The following GPM6A variants were observed in gnomAD, a reference collection of about 807,000 sequenced individuals.
GPM6A encodes the protein neuronal membrane glycoprotein M6-a.
Under a neutral mutation model 32.1 loss-of-function variants are expected in GPM6A, and 7 were observed. The observed-to-expected ratio is 0.22, with a 90% CI of 0.12 to 0.41. The LOEUF (loss-of-function observed/expected upper bound fraction) is 0.41. Ranked by LOEUF, GPM6A falls within the 10% of genes least tolerant of loss-of-function variation. The pLI is 1.00. For missense variants in GPM6A, 235 were observed against 347.2 expected (o/e 0.68, Z 2.57); for synonymous variants, 130 against 123.4 (o/e 1.05, Z -0.35).
intron 1 of GPM6A, among the ~76,000 whole-genome samples, chr4:176,001,274 A>C (rs893594405): frequency 6.6e-6 from 1 of 152,168 alleles, no homozygotes; most frequent in African/African-American, 2.4e-5. Flanking sequence ...AGGGGCGCCC[A>C]GTGGACTTGG....
At chr4:175,722,096 G>A (rs558238522) in intron 1 of GPM6A, among the ~76,000 whole-genome samples, 31 of 152,082 alleles carry the variant, frequency 2.0e-4, no homozygotes, top group South Asian at 1.2e-3. Context: ...AGACCAGCCC[G>A]GGCAACAAAA....
chr4:175,917,805 A>G (rs1738542025), intron 1 of GPM6A, among the ~76,000 whole-genome samples: 1 of 151,996 alleles, frequency 6.6e-6, no homozygotes, highest in African/African-American at 2.4e-5. Flanking sequence ...GGAGAAAAAA[A>G]GCTTTCTAAA....
intron 1 of GPM6A, among the ~76,000 whole-genome samples, chr4:175,987,798 G>T (rs1416463494): frequency 6.6e-6 from 1 of 152,054 alleles, no homozygotes; most frequent in Non-Finnish European, 1.5e-5. Flanking sequence ...AAGGAAGAAT[G>T]TTTTGTTTCA....
At chr4:175,782,326 A>C (rs1008876843) in intron 1 of GPM6A, among the ~76,000 whole-genome samples, 3 of 152,156 alleles carry the variant, frequency 2.0e-5, no homozygotes, top group Non-Finnish European at 4.4e-5. Context: ...ATATCACGTC[A>C]TCTACTTTCA....
chr4:175,679,894 G>A (rs1743584881), intron 2 of GPM6A, among the ~76,000 whole-genome samples: 1 of 152,154 alleles, frequency 6.6e-6, no homozygotes, highest in South Asian at 2.1e-4. Context: ...CACATAGCAA[G>A]ATGCTCCAGG....
At chr4:175,989,305 G>A (rs1443367756) in intron 1 of GPM6A, among the ~76,000 whole-genome samples, 1 of 152,042 alleles carries the variant, frequency 6.6e-6, no homozygotes, top group Non-Finnish European at 1.5e-5. Flanking sequence ...TTCAACCCAA[G>A]GATAATAGCC....
chr4:175,721,206 T>C (rs1033005673), intron 1 of GPM6A, among the ~76,000 whole-genome samples: 3 of 149,370 alleles, frequency 2.0e-5, no homozygotes, highest in African/African-American at 7.3e-5. Context: ...CCAGGCACAG[T>C]GGCTCATGCC....
chr4:175,939,269 G>C lies in GPM6A; in HGVS notation c.-23+63040C>G, dbSNP rs146716261. The stretch of plus-strand genomic sequence containing the variant: ...TGCTGCAGGGCCAAAGAGCCCTGAG[G>C]GGGTAAAACAATAGGCAAGCTCGTG... On this transcript the variant is annotated intron_variant, in intron 1 of 7. Coordinates refer to the GPM6A transcript ENST00000280187. Among the ~76,000 whole-genome samples, 1,008 of 152,262 alleles carry C rather than the reference G, an allele frequency of 6.6e-3. 6 individuals carry two copies. Among genetic ancestry groups the C allele is most frequent in the African/African-American group, 0.023 (956 of 41,568 alleles).
intron 1 of GPM6A, chr4:175,961,093 T>C (rs917442145): frequency 6.6e-6 from 1 of 152,218 alleles, no homozygotes; most frequent in African/African-American, 2.4e-5. Flanking sequence ...TAGCTGACAA[T>C]ACAAAACACA....
chr4:176,000,602 G>A (rs1339149359), intron 1 of GPM6A, among the ~76,000 whole-genome samples: 1 of 152,156 alleles, frequency 6.6e-6, no homozygotes, highest in Non-Finnish European at 1.5e-5. Flanking sequence ...ATTTTATTAT[G>A]TTGGATCCAA....
At chr4:175,909,729 C>T (rs185978775) in intron 1 of GPM6A, among the ~76,000 whole-genome samples, 1 of 152,056 alleles carries the variant, frequency 6.6e-6, no homozygotes, top group Admixed American at 6.6e-5. Flanking sequence ...AAGGTACAGT[C>T]CATTGTGAAT....
In GPM6A at chr4:175,633,964, A is replaced by G. The variant is rs1486517878; in HGVS notation, c.*941T>C. 6.6e-6 allele frequency: 1 copy of G among 152,538 alleles called. No individual in the cohort carries two copies. 9.4% of individuals were successfully genotyped at this position (152,538 alleles called of 1,614,324 possible). ...TCCATTAAAACTTTTAAAGTAGGTA[A>G]AACAACTTCCGAGGGGTTAGTGTGC... On this transcript the variant is annotated 3_prime_UTR_variant, in exon 7 of 7. Coordinates refer to ENST00000393658, the MANE Select transcript of GPM6A (RefSeq NM_201591.3).
At chr4:175,798,071 G>A (rs1734308331) in intron 1 of GPM6A, among the ~76,000 whole-genome samples, 1 of 152,152 alleles carries the variant, frequency 6.6e-6, no homozygotes, top group Non-Finnish European at 1.5e-5. Flanking sequence ...TCAAAAATAG[G>A]TGATGCTTGC....
chr4:175,867,144 T>C (rs75744997), intron 1 of GPM6A, among the ~76,000 whole-genome samples: 4,724 of 152,290 alleles, frequency 0.031, 222 homozygotes, highest in African/African-American at 0.11. Flanking sequence ...CCTTGGTGTA[T>C]TTCAGGTAAC....
At chr4:175,766,583 C>A (rs1169657353) in intron 1 of GPM6A, among the ~76,000 whole-genome samples, 1 of 151,444 alleles carries the variant, frequency 6.6e-6, no homozygotes, top group Admixed American at 6.6e-5. Context: ...ATATACCTAT[C>A]ATTGATGCAG....
intron 2 of GPM6A, among the ~76,000 whole-genome samples, chr4:175,693,256 A>C (rs1336757716): frequency 6.7e-6 from 1 of 149,082 alleles, no homozygotes; most frequent in Non-Finnish European, 1.5e-5. Context: ...ATTAGCCTAA[A>C]TATATATATA....
chr4:175,987,083 G>A (rs1420632363), intron 1 of GPM6A, among the ~76,000 whole-genome samples: 3 of 152,078 alleles, frequency 2.0e-5, no homozygotes, highest in African/African-American at 7.2e-5. Flanking sequence ...ACCATATAAA[G>A]TTCCACCTCA....
At chr4:175,771,960 T>C (rs1311786133) in intron 1 of GPM6A, among the ~76,000 whole-genome samples, 2 of 152,228 alleles carry the variant, frequency 1.3e-5, no homozygotes, top group Admixed American at 1.3e-4. Flanking sequence ...TTAATTTTTC[T>C]TGATACGAGA....
chr4:175,640,232 G>A (rs533454773), intron 5 of GPM6A, 38 bp from the exon 6 acceptor site: 1 of 1,514,762 alleles, frequency 6.6e-7, no homozygotes, highest in Non-Finnish European at 9.2e-7. Context: ...AGGTGTCAGA[G>A]TTATAGGTAG....
Sources: allele counts gnomAD v4.1 joint callset (sites outside exome capture counted in the v4.1 genomes callset), GRCh38; gene constraint gnomAD v4.1.1; transcripts MANE v1.5; gene names NCBI Gene and HGNC (gene_info 2026-07-23, HGNC 2026-07-21).